Variants in DLGAP2 observed in about 807,000 individuals in gnomAD.
The protein encoded by DLGAP2 is DLG associated protein 2, also known as disks large-associated protein 2.
DLGAP2 carries 26 observed loss-of-function variants against 100.3 expected under a neutral mutation model. That is an observed-to-expected ratio of 0.26 (90% CI 0.19 to 0.36). The LOEUF (loss-of-function observed/expected upper bound fraction) is 0.36, where lower values mean the gene tolerates loss of function less well. DLGAP2 is among the 10% of genes least tolerant of loss of function. The pLI is 1.00. For synonymous variants in DLGAP2, 886 were observed against 630.1 expected (o/e 1.41, Z -6.08); for missense variants, 1,858 against 1,453.2 (o/e 1.28, Z -4.53).
chr8:1,629,096 A>G (rs764940124), intron 7 of DLGAP2, among the ~76,000 whole-genome samples: 42 of 152,360 alleles, frequency 2.8e-4, no homozygotes, highest in Non-Finnish European at 5.4e-4. Context: ...CCTGGGGCTC[A>G]GTAAGCACAA....
intron 1 of DLGAP2, among the ~76,000 whole-genome samples, chr8:756,833 A>G (rs1408764374): frequency 1.3e-5 from 2 of 152,024 alleles, no homozygotes. Flanking sequence ...AAACCATCCT[A>G]CACACAGCTG....
At chr8:1,085,846 C>T (rs949413516) in intron 2 of DLGAP2, among the ~76,000 whole-genome samples, 1 of 152,190 alleles carries the variant, frequency 6.6e-6, no homozygotes, top group African/African-American at 2.4e-5. Context: ...TGAATCTGCA[C>T]ATCCCTTTGG....
At chr8:1,673,695 G>C (rs1798744040) in intron 10 of DLGAP2, among the ~76,000 whole-genome samples, 1 of 152,170 alleles carries the variant, frequency 6.6e-6, no homozygotes, top group Admixed American at 6.5e-5. Context: ...AGTTAACTGA[G>C]GCATTGGGTG....
intron 2 of DLGAP2, among the ~76,000 whole-genome samples, chr8:1,036,993 C>T (rs537914096): frequency 1.3e-5 from 2 of 152,254 alleles, no homozygotes; most frequent in African/African-American, 4.8e-5. Context: ...GTGGAGCCTC[C>T]TGAGCCAGTG....
intron 3 of DLGAP2, among the ~76,000 whole-genome samples, chr8:1,318,980 C>CT (rs1800833072): frequency 6.6e-6 from 1 of 152,160 alleles, no homozygotes; most frequent in Non-Finnish European, 1.5e-5. Context: ...GACATAGTCT[C>CT]TGTTTTATGG....
chr8:1,254,053 G>C (rs919915488), intron 2 of DLGAP2, among the ~76,000 whole-genome samples: 7 of 152,240 alleles, frequency 4.6e-5, no homozygotes, highest in Admixed American at 4.6e-4. Context: ...GCCGCCTCGT[G>C]AGGCTTCCAG....
intron 1 of DLGAP2, among the ~76,000 whole-genome samples, chr8:837,413 C>G (rs1444574658): frequency 6.6e-6 from 1 of 152,210 alleles, no homozygotes; most frequent in African/African-American, 2.4e-5. Context: ...TTGACCAAGA[C>G]TCCAAACTGA....
chr8:1,033,090 C>G (rs922882220), intron 2 of DLGAP2, among the ~76,000 whole-genome samples: 2 of 152,142 alleles, frequency 1.3e-5, no homozygotes, highest in Non-Finnish European at 2.9e-5. Flanking sequence ...TTAAGCTGAT[C>G]CAAGGATGCA....
chr8:1,541,238 C>T lies in DLGAP2; in HGVS notation c.173-7388C>T, dbSNP rs79487183. ...GTTTAATCCATTTATTTGTTTAATA[C>T]ATTTATTTATTCATTCCATTATCAA... On this transcript the variant is annotated intron_variant, in intron 4 of 14. Coordinates refer to ENST00000637795, the MANE Select transcript of DLGAP2 (RefSeq NM_001346810.2). 5.3e-5 allele frequency among the ~76,000 whole-genome samples: 8 copies of T among 152,284 alleles called. 1 individual carries two copies. The East Asian group carries it at 9.6e-4, about 18-fold the overall frequency.
At chr8:1,468,026 C>G (rs745419362) in intron 3 of DLGAP2, among the ~76,000 whole-genome samples, 3 of 152,244 alleles carry the variant, frequency 2.0e-5, no homozygotes, top group Non-Finnish European at 4.4e-5. Flanking sequence ...AATCTTTGTG[C>G]TGCAAAGTGG....
At chr8:1,136,035 TC>T (rs960318603) in intron 2 of DLGAP2, among the ~76,000 whole-genome samples, 2 of 152,232 alleles carry the variant, frequency 1.3e-5, no homozygotes, top group Non-Finnish European at 2.9e-5. Context: ...CTCATTCTCT[TC>T]CTGTGCTTAA....
chr8:918,527 G>A (rs1798642132), intron 2 of DLGAP2, among the ~76,000 whole-genome samples: 1 of 152,176 alleles, frequency 6.6e-6, no homozygotes, highest in Non-Finnish European at 1.5e-5. Flanking sequence ...CGCTGTGTCT[G>A]TGCCCCGCTG....
intron 2 of DLGAP2, among the ~76,000 whole-genome samples, chr8:947,466 C>G (rs11780120): frequency 0.051 from 7,696 of 152,346 alleles, 294 homozygotes; most frequent in Non-Finnish European, 0.077. Flanking sequence ...TGCCCTTACA[C>G]GAAGCGTAGA....
chr8:1,100,285 C>T (rs57169878), intron 2 of DLGAP2, among the ~76,000 whole-genome samples: 1 of 151,710 alleles, frequency 6.6e-6, no homozygotes, highest in Admixed American at 6.6e-5. Flanking sequence ...TCCAGCATGT[C>T]CACAGTGTAC....
At chr8:869,591 G>A (rs1301474610) in intron 1 of DLGAP2, among the ~76,000 whole-genome samples, 1 of 152,166 alleles carries the variant, frequency 6.6e-6, no homozygotes, top group African/African-American at 2.4e-5. Flanking sequence ...AGACCTCCCT[G>A]TCTTTTCCAA....
intron 6 of DLGAP2, among the ~76,000 whole-genome samples, chr8:1,620,884 C>A (rs141091232): frequency 1.3e-5 from 2 of 152,140 alleles, no homozygotes; most frequent in African/African-American, 4.8e-5. Flanking sequence ...CTGGGGTGTC[C>A]CTCACAGTTT....
intron 2 of DLGAP2, among the ~76,000 whole-genome samples, chr8:912,281 A>T (rs1405028772): frequency 6.6e-6 from 1 of 152,242 alleles, no homozygotes; most frequent in East Asian, 1.9e-4. Flanking sequence ...CAATGAATGT[A>T]AAATGACTGT....
intron 2 of DLGAP2, among the ~76,000 whole-genome samples, chr8:1,208,273 C>G (rs575099303): frequency 2.0e-5 from 3 of 152,272 alleles, no homozygotes; most frequent in Admixed American, 2.0e-4. Context: ...TTTCATTCTT[C>G]TATATGTGGC....
chr8:917,134 G>C (rs574375212), intron 2 of DLGAP2, among the ~76,000 whole-genome samples: 1 of 152,196 alleles, frequency 6.6e-6, no homozygotes, highest in Non-Finnish European at 1.5e-5. Context: ...GCCGGGGATA[G>C]TAAAGCGACT....
Sources: allele counts gnomAD v4.1 joint callset (sites outside exome capture counted in the v4.1 genomes callset), GRCh38; gene constraint gnomAD v4.1.1; transcripts MANE v1.5; gene names NCBI Gene and HGNC (gene_info 2026-07-23, HGNC 2026-07-21).